Variants in MROH1 observed in about 807,000 individuals in gnomAD.
The protein encoded by MROH1 is maestro heat-like repeat-containing protein family member 1.
Under a neutral mutation model 116.5 loss-of-function variants are expected in MROH1, and 117 were observed. The ratio of observed to expected loss-of-function variants is 1.00; its 90% confidence interval spans 0.86 to 1.17. MROH1 has a LOEUF of 1.17. MROH1 is among the 50% of genes most tolerant of loss of function. The pLI, the probability that MROH1 is intolerant of heterozygous loss-of-function variation, is 0.00. For missense variants in MROH1, 1,873 were observed against 1,338.5 expected (o/e 1.40, Z -6.23); for synonymous variants, 921 against 583.9 (o/e 1.58, Z -8.32).
chr8:144,202,889 G>A, intron 12 of MROH1, among the ~76,000 whole-genome samples: 1 of 103,242 alleles, frequency 9.7e-6, no homozygotes, highest in Non-Finnish European at 2.0e-5. Flanking sequence ...GGAGGGGCAG[G>A]GAAGGAAGCG....
intron 35 of MROH1, among the ~76,000 whole-genome samples, chr8:144,257,918 G>A (rs1426009770): frequency 2.6e-5 from 4 of 152,248 alleles, no homozygotes; most frequent in Non-Finnish European, 4.4e-5. Flanking sequence ...CACATGGCAG[G>A]GGCTGTGGAG....
Position 144,191,839 on chromosome 8 carries a change from C to A in MROH1, c.839C>A (p.Thr280Asn). 2 of 1,613,494 alleles carry A rather than the reference C, an allele frequency of 1.2e-6. No homozygotes were observed. Among genetic ancestry groups the A allele is most frequent in the Non-Finnish European group, 1.7e-6 (2 of 1,179,860 alleles). ...GCCCTCTACAAGAAGCACGCAGAGA[C>A]CTTCTACTTGTCCAAGGTATCTGCA... ...ILALYKKHAE[T>N]FYLSKSLGQI... The change falls in exon 9 of 44, where the codon ACC becomes AAC. Residue 280 changes from threonine (T) to asparagine (N), a missense_variant. By Grantham distance (65) the Thr-to-Asn change is moderately conservative. Coordinates refer to ENST00000326134, the MANE Select transcript of MROH1 (RefSeq NM_032450.3).
chr8:144,236,048 C>T (rs904243936), intron 14 of MROH1, among the ~76,000 whole-genome samples: 2 of 152,220 alleles, frequency 1.3e-5, no homozygotes. Context: ...AGTTCTGTCC[C>T]TTTAGCTGCT....
rs991766714 is a variant in MROH1, at chr8:144,163,246, G to C, written c.-56-525G>C. 6.4e-4 allele frequency among the ~76,000 whole-genome samples: 97 copies of C among 152,324 alleles called. No individual in the cohort carries two copies. The highest frequency in any genetic ancestry group is 2.2e-3 in the African/African-American group (92 of 41,576). On this transcript the variant is annotated intron_variant, in intron 2 of 43. Coordinates refer to ENST00000326134, the MANE Select transcript of MROH1 (RefSeq NM_032450.3). This position sits in a 1 kb window ranked among gnomAD's most constrained non-coding sequence, Gnocchi z 4.4. Reference sequence around the variant, plus strand: ...GGATGCTGGCTGCCATGCTTATGGTGGGCCTGCAGCCCCTCTGATGACGTA... The same window carrying C: ...GGATGCTGGCTGCCATGCTTATGGTCGGCCTGCAGCCCCTCTGATGACGTA...
intron 4 of MROH1, among the ~76,000 whole-genome samples, chr8:144,173,525 A>T (rs1195615734): frequency 6.6e-6 from 1 of 151,582 alleles, no homozygotes; most frequent in Non-Finnish European, 1.5e-5. Context: ...TCCTGGGTTC[A>T]AGCAGTTCTC....
chr8:144,257,119 C>T (rs1271766328), intron 35 of MROH1, among the ~76,000 whole-genome samples: 1 of 152,240 alleles, frequency 6.6e-6, no homozygotes, highest in Non-Finnish European at 1.5e-5. Context: ...GTGGCTCTGT[C>T]CTCTGCCTGT....
intron 1 of MROH1, among the ~76,000 whole-genome samples, chr8:144,153,180 C>T (rs1457452439): frequency 4.6e-5 from 7 of 151,938 alleles, no homozygotes; most frequent in East Asian, 1.9e-4. Context: ...TCCCATTTCT[C>T]GCAAATGACA....
intron 1 of MROH1, among the ~76,000 whole-genome samples, chr8:144,159,464 C>T (rs1338815922): frequency 6.6e-6 from 1 of 152,168 alleles, no homozygotes; most frequent in Non-Finnish European, 1.5e-5. Flanking sequence ...TTTTGAAGCT[C>T]TGTTACCAGG....
chr8:144,254,847 G>A lies in MROH1; in HGVS notation c.3463G>A (p.Glu1155Lys). 1 of 777,378 alleles carries A rather than the reference G, an allele frequency of 1.3e-6. No homozygotes were observed. The highest frequency in any genetic ancestry group is 2.4e-6 in the Non-Finnish European group (1 of 417,566). The allele number at this position is 777,378 out of a possible 1,614,324, so 48.2% of individuals were successfully genotyped here. ...TCMLWRALAV[E>K]PRLAAQVLGL... ...CATGCTGTGGCGGGCGCTGGCGGTG[G>A]AGCCTCGCCTAGCTGCCCAGGTCCT... is the stretch of plus-strand genomic sequence containing the variant. Residue 1155 changes from glutamate (E) to lysine (K), a missense_variant, in exon 34 of 44, where the codon GAG becomes AAG. By Grantham distance (56) the Glu-to-Lys change is moderately conservative. Transcript: ENST00000326134.
intron 1 of MROH1, among the ~76,000 whole-genome samples, chr8:144,157,281 C>T (rs2130719918): frequency 6.6e-6 from 1 of 152,276 alleles, no homozygotes; most frequent in East Asian, 1.9e-4. Flanking sequence ...AGGGCTTCAC[C>T]ATGTTGGCCA....
chr8:144,244,194 T>C, intron 26 of MROH1, 28 bp from the exon 27 acceptor site: 2 of 715,962 alleles, frequency 2.8e-6, no homozygotes, highest in South Asian at 1.5e-5. Flanking sequence ...TTAGGATCAT[T>C]GTCTGGGGCC....
At chr8:144,226,011 T>C (rs892762896) in intron 14 of MROH1, among the ~76,000 whole-genome samples, 1 of 146,868 alleles carries the variant, frequency 6.8e-6, no homozygotes, top group Non-Finnish European at 1.5e-5. Flanking sequence ...ACCTCCTGGG[T>C]TCAAGCAATT....
chr8:144,148,126 T>G (rs1237610629), intron 1 of MROH1, 50 bp downstream of exon 1: 1 of 151,982 alleles, frequency 6.6e-6, no homozygotes, highest in Non-Finnish European at 1.5e-5. Flanking sequence ...GAAGAGCCCC[T>G]CGGGGAAGTC....
intron 7 of MROH1, among the ~76,000 whole-genome samples, chr8:144,184,962 T>A (rs7462630): frequency 0.97 from 147,947 of 152,282 alleles, 72,005 homozygotes; most frequent in South Asian, 1. Context: ...CTGGAGAGGG[T>A]GTGGAGGCCC....
At chr8:144,158,081 C>G (rs1235106862) in intron 1 of MROH1, among the ~76,000 whole-genome samples, 1 of 147,624 alleles carries the variant, frequency 6.8e-6, no homozygotes, top group African/African-American at 2.5e-5. Flanking sequence ...CAAACTCCGC[C>G]CCCTGGGTTC....
rs1350562274 is a variant in MROH1, at chr8:144,260,239, C to G, written c.4245C>G (p.Asp1415Glu). ...LLTAMIGGLD[D>E]GDNPHSPVAL... ...CAGCCATGATTGGCGGGCTGGACGA[C>G]GGGGACAACCCTCACAGCCCAGTGG... Residue 1415 changes from aspartate to glutamate, a missense_variant, in exon 39 of 44, where the codon GAC (aspartate) becomes GAG (glutamate). Coordinates refer to ENST00000326134, the MANE Select transcript of MROH1 (RefSeq NM_032450.3). The G allele has an allele frequency of 2.6e-6, 2 of 765,948 alleles. No homozygotes were observed. The highest frequency in any genetic ancestry group is 3.4e-5 in the African/African-American group (2 of 59,108). 47.4% of individuals were successfully genotyped at this position (765,948 alleles called of 1,614,324 possible).
chr8:144,190,610 T>G (rs753302691), intron 7 of MROH1, among the ~76,000 whole-genome samples, 174 bp from the exon 8 acceptor site: 14 of 152,040 alleles, frequency 9.2e-5, no homozygotes, highest in Non-Finnish European at 1.8e-4. Context: ...GGCCATGAAT[T>G]TGGAGGGACA....
chr8:144,183,234 T>C (rs1826116411), intron 7 of MROH1, among the ~76,000 whole-genome samples: 1 of 151,150 alleles, frequency 6.6e-6, no homozygotes, highest in Non-Finnish European at 1.5e-5. Context: ...TTTTAAAAAT[T>C]TGCCAGGTAT....
At chr8:144,178,666 G>A (rs1824741367) in intron 4 of MROH1, among the ~76,000 whole-genome samples, 1 of 152,166 alleles carries the variant, frequency 6.6e-6, no homozygotes, top group Non-Finnish European at 1.5e-5. Flanking sequence ...GCCTGGTGCA[G>A]GCTGCTCTCA....
Sources: allele counts gnomAD v4.1 joint callset (sites outside exome capture counted in the v4.1 genomes callset), GRCh38; gene constraint gnomAD v4.1.1; non-coding constraint Gnocchi (gnomAD v3.1); transcripts MANE v1.5; gene names NCBI Gene and HGNC (gene_info 2026-07-23, HGNC 2026-07-21).